The following ZSWIM6 variants were observed in gnomAD, a reference collection of about 807,000 sequenced individuals.
ZSWIM6 encodes the protein zinc finger SWIM domain-containing protein 6.
ZSWIM6 carries 9 observed loss-of-function variants against 113.2 expected under a neutral mutation model. The observed-to-expected ratio is 0.08, with a 90% CI of 0.05 to 0.14. The LOEUF is 0.14. Ranked by LOEUF, ZSWIM6 falls within the 10% of genes least tolerant of loss-of-function variation. ZSWIM6 has a pLI of 1.00. For missense variants in ZSWIM6, 1,162 were observed against 1,552.2 expected (o/e 0.75, Z 4.22); for synonymous variants, 611 against 606.5 (o/e 1.01, Z -0.11).
At chr5:61,455,616 G>C (rs1436403856) in intron 1 of ZSWIM6, among the ~76,000 whole-genome samples, 3 of 152,218 alleles carry the variant, frequency 2.0e-5, no homozygotes, top group Non-Finnish European at 4.4e-5. Flanking sequence ...AGGAAGGAGA[G>C]AGGGAGCAGA....
intron 1 of ZSWIM6, among the ~76,000 whole-genome samples, chr5:61,452,424 G>A (rs148477431): frequency 1.0e-3 from 158 of 151,994 alleles, no homozygotes; most frequent in African/African-American, 3.6e-3. Context: ...TTTCCCTAGG[G>A]TCCTCCTGCC....
chr5:61,477,627 A>G (rs1245018355), intron 2 of ZSWIM6, among the ~76,000 whole-genome samples: 1 of 152,182 alleles, frequency 6.6e-6, no homozygotes, highest in Admixed American at 6.5e-5. Flanking sequence ...CTTGCCTCTG[A>G]GTGCCTTTGT....
At chr5:61,339,543 T>C (rs893890187) in intron 1 of ZSWIM6, among the ~76,000 whole-genome samples, 3 of 152,216 alleles carry the variant, frequency 2.0e-5, no homozygotes, top group African/African-American at 7.2e-5. Flanking sequence ...TACTTACATA[T>C]ACATATGATA....
At chr5:61,355,588 T>C (rs1038023113) in intron 1 of ZSWIM6, among the ~76,000 whole-genome samples, 2 of 152,106 alleles carry the variant, frequency 1.3e-5, no homozygotes, top group African/African-American at 2.4e-5. Flanking sequence ...TTAAAAAATA[T>C]AATTTACAAG....
At chr5:61,524,082 C>T (rs2112265865) in intron 5 of ZSWIM6, among the ~76,000 whole-genome samples, 1 of 152,172 alleles carries the variant, frequency 6.6e-6, no homozygotes, top group Middle Eastern at 3.4e-3. Flanking sequence ...TTCAGCTTAA[C>T]AAAATAAATG....
chr5:61,409,257 T>C (rs1746108375), intron 1 of ZSWIM6, among the ~76,000 whole-genome samples: 1 of 152,148 alleles, frequency 6.6e-6, no homozygotes, highest in South Asian at 2.1e-4. Flanking sequence ...TTGGTGATTT[T>C]TACCAGTGGA....
At chr5:61,350,270 C>T (rs977843392) in intron 1 of ZSWIM6, among the ~76,000 whole-genome samples, 1 of 152,126 alleles carries the variant, frequency 6.6e-6, no homozygotes. Flanking sequence ...TCTATGGTTA[C>T]CCTAGGCATA....
intron 1 of ZSWIM6, among the ~76,000 whole-genome samples, chr5:61,396,849 A>T (rs1384678985): frequency 6.6e-6 from 1 of 152,340 alleles, no homozygotes; most frequent in South Asian, 2.1e-4. Flanking sequence ...TAAATGAATT[A>T]TCCGTCTAAT....
At chr5:61,489,532 T>C (rs962119977) in intron 2 of ZSWIM6, among the ~76,000 whole-genome samples, 1 of 152,072 alleles carries the variant, frequency 6.6e-6, no homozygotes, top group African/African-American at 2.4e-5. Flanking sequence ...AGCCTTTGCT[T>C]ATAGTAAGGA....
chr5:61,520,912 T>C (rs1009813276), intron 4 of ZSWIM6, among the ~76,000 whole-genome samples: 2 of 152,130 alleles, frequency 1.3e-5, no homozygotes, highest in African/African-American at 4.8e-5. Flanking sequence ...GTCATACAAG[T>C]AAGAAGTTGA....
chr5:61,518,976 G>A (rs910896878), intron 4 of ZSWIM6, among the ~76,000 whole-genome samples: 1 of 151,874 alleles, frequency 6.6e-6, no homozygotes, highest in Admixed American at 6.6e-5. Flanking sequence ...TAAGGTGTAA[G>A]GAAGGGATCC....
At position 61,373,289 on chromosome 5, in the gene ZSWIM6, A is replaced by G. The variant is rs1381846075; in HGVS notation, c.676+40341A>G. Among the ~76,000 whole-genome samples, 6 of 151,508 alleles carry G rather than the reference A, an allele frequency of 4.0e-5. No individual in the cohort carries two copies. In the East Asian group the frequency reaches 1.2e-3, roughly 29 times the overall value. The stretch of plus-strand genomic sequence containing the variant: ...ACTGATTTATTGAAGCTTTGCTAGA[A>G]TGTGTCAGTCACCACTGGGTCTTTT... On this transcript the variant is annotated intron_variant, in intron 1 of 13. Transcript: ENST00000252744.
At chr5:61,426,310 G>A (rs1396858551) in intron 1 of ZSWIM6, among the ~76,000 whole-genome samples, 10 of 152,178 alleles carry the variant, frequency 6.6e-5, no homozygotes, top group Admixed American at 6.5e-4. Context: ...ATGTATAGAA[G>A]TTGTGAGAAT....
At chr5:61,522,416 C>G (rs1208287880) in intron 5 of ZSWIM6, among the ~76,000 whole-genome samples, 1 of 152,182 alleles carries the variant, frequency 6.6e-6, no homozygotes, top group African/African-American at 2.4e-5. Context: ...ACTACATTCT[C>G]TATGTACTAG....
Position 61,358,289 on chromosome 5 carries a change from A to G in ZSWIM6, c.676+25341A>G, listed in dbSNP as rs868515201. On this transcript the variant is annotated intron_variant, in intron 1 of 13. Transcript: ENST00000252744. ...TTTTAAGCCCTTGAAAGGATCTTGA[A>G]GATCCCCCAAAATCTGCAAAAAATC... 4.6e-5 allele frequency among the ~76,000 whole-genome samples: 7 copies of G among 152,354 alleles called. No homozygotes were observed. The Middle Eastern group carries it at 0.01, about 222-fold the overall frequency.
rs144772015 is a variant in ZSWIM6 at position 61,480,195 on chromosome 5, A to G, written c.1033+7158A>G. Among the ~76,000 whole-genome samples the G allele has an allele frequency of 4.3e-3, 651 of 152,270 alleles. 4 individuals carry two copies. The highest frequency in any genetic ancestry group is 0.014 in the African/African-American group (573 of 41,552). On this transcript the variant is annotated intron_variant, in intron 2 of 13. Coordinates refer to ENST00000252744, the MANE Select transcript of ZSWIM6 (RefSeq NM_020928.2). ...TACAAATACTTTATTGCTTTTTTCC[A>G]TATAAAATACATGATTATTTCTGTA... is the stretch of plus-strand genomic sequence containing the variant.
intron 7 of ZSWIM6, among the ~76,000 whole-genome samples, chr5:61,528,808 G>A (rs1009692163): frequency 2.6e-5 from 4 of 152,074 alleles, no homozygotes; most frequent in Non-Finnish European, 5.9e-5. Flanking sequence ...GGCTGGTCTC[G>A]AACTCCTGAC....
intron 4 of ZSWIM6, among the ~76,000 whole-genome samples, chr5:61,497,149 C>T (rs1030660855): frequency 6.7e-6 from 1 of 150,302 alleles, no homozygotes; most frequent in African/African-American, 2.4e-5. Flanking sequence ...AAGCCCTAAT[C>T]TGATGAAAGT....
At chr5:61,370,413 G>A (rs947506276) in intron 1 of ZSWIM6, among the ~76,000 whole-genome samples, 5 of 152,162 alleles carry the variant, frequency 3.3e-5, no homozygotes, top group African/African-American at 4.8e-5. Context: ...TGCATTAAAT[G>A]CAGGTTTTCA....
Sources: gnomAD v4.1 joint callset for allele counts (sites outside exome capture counted in the v4.1 genomes callset) on GRCh38, gnomAD v4.1.1 for gene constraint, MANE v1.5 for transcripts, NCBI Gene and HGNC (gene_info 2026-07-23, HGNC 2026-07-21) for gene names.